PCSK5: variants seen among roughly 807,000 people sequenced by gnomAD.
The protein encoded by PCSK5 is proprotein convertase subtilisin/kexin type 5.
A neutral mutation model predicts 233.2 loss-of-function variants in PCSK5; 129 were observed. The ratio of observed to expected loss-of-function variants is 0.55; its 90% CI spans 0.48 to 0.64. PCSK5 has a LOEUF of 0.64. PCSK5 is among the 30% of genes least tolerant of loss of function. The pLI is 0.00. For synonymous variants in PCSK5, 825 were observed against 879.2 expected, an observed-to-expected ratio of 0.94 and a Z score of 1.09; for missense variants, 2,076 against 2,430.1, an observed-to-expected ratio of 0.85 and a Z score of 3.06.
In PCSK5 at chr9:75,940,956, G is replaced by A. The variant is rs569933704; in HGVS notation, c.297+8473G>A. ...AAATAAGTATTCAGAAGTGTCTGAGGTCAGTCTTAACATGGCTTACATTTC... is the reference window on the plus strand; with the variant it reads ...AAATAAGTATTCAGAAGTGTCTGAGATCAGTCTTAACATGGCTTACATTTC... On this transcript the variant is annotated intron_variant, in intron 2 of 37. Transcript: ENST00000674117. Among the ~76,000 whole-genome samples, 5 of 152,280 alleles carry A rather than the reference G, an allele frequency of 3.3e-5. No individual in the cohort carries two copies. In the East Asian group the frequency reaches 9.6e-4, roughly 29 times the overall value.
At chr9:76,277,677 C>A (rs980033039) in intron 24 of PCSK5, among the ~76,000 whole-genome samples, 13 of 152,180 alleles carry the variant, frequency 8.5e-5, no homozygotes, top group Non-Finnish European at 1.5e-4. Context: ...CACTAGCAAA[C>A]CCCCAACCAA....
At chr9:76,262,409 G>A (rs554248581) in intron 24 of PCSK5, among the ~76,000 whole-genome samples, 1 of 152,232 alleles carries the variant, frequency 6.6e-6, no homozygotes, top group African/African-American at 2.4e-5. Context: ...AAACAGCATG[G>A]TACTGGTACC....
At chr9:76,210,828 G>A (rs1021082067) in intron 20 of PCSK5, among the ~76,000 whole-genome samples, 1 of 152,202 alleles carries the variant, frequency 6.6e-6, no homozygotes, top group Non-Finnish European at 1.5e-5. Flanking sequence ...ACATGGGCTG[G>A]TGCTGGAGAT....
intron 2 of PCSK5, among the ~76,000 whole-genome samples, chr9:75,971,919 T>C (rs1268208664): frequency 2.0e-5 from 3 of 152,212 alleles, no homozygotes; most frequent in African/African-American, 7.2e-5. Flanking sequence ...GCAGAAGCTC[T>C]TTAGTTTAAT....
rs967587445 is a variant in PCSK5, at chr9:76,047,135, C to T, written c.632+20098C>T. On this transcript the variant is annotated intron_variant, in intron 5 of 37. Transcript: ENST00000674117. ...TTTTTGAGACGGAGTCTTGCTCTGT[C>T]GCCCATGCTGGAGTGCAATGGTGAG... Among the ~76,000 whole-genome samples the T allele has an allele frequency of 5.3e-5, 8 of 150,064 alleles. No homozygotes were observed. The South Asian group carries it at 1.1e-3, about 20-fold the overall frequency.
intron 1 of PCSK5, among the ~76,000 whole-genome samples, chr9:75,922,160 C>G (rs371480113): frequency 1.2e-4 from 19 of 152,248 alleles, no homozygotes; most frequent in African/African-American, 4.6e-4. Flanking sequence ...TAGTAGGGTA[C>G]AAAAATGAAA....
intron 20 of PCSK5, chr9:76,194,943 G>C: frequency 1.1e-5 from 2 of 182,516 alleles, no homozygotes; most frequent in South Asian, 1.9e-4. Flanking sequence ...CTAGGAAGTA[G>C]ATGCTGAGGT....
intron 1 of PCSK5, among the ~76,000 whole-genome samples, chr9:75,899,977 A>T (rs1220162794): frequency 6.6e-6 from 1 of 152,182 alleles, no homozygotes; most frequent in African/African-American, 2.4e-5. Flanking sequence ...GTAAAGTGAT[A>T]AGGAGGCTTC....
chr9:76,026,900 G>A, intron 4 of PCSK5, 61 bp from the exon 5 acceptor site: 1 of 1,099,746 alleles, frequency 9.1e-7, no homozygotes, highest in Non-Finnish European at 1.4e-6. Flanking sequence ...GAGCCTGTGG[G>A]TCATTGGCTA....
At chr9:76,277,043 C>A (rs1231586636) in intron 24 of PCSK5, among the ~76,000 whole-genome samples, 2 of 152,082 alleles carry the variant, frequency 1.3e-5, no homozygotes, top group African/African-American at 4.8e-5. Flanking sequence ...ACCTGGCCAA[C>A]ATGGTGAAAC....
chr9:76,346,356 T>C (rs1279870282), intron 35 of PCSK5, among the ~76,000 whole-genome samples: 1 of 152,184 alleles, frequency 6.6e-6, no homozygotes. Context: ...GAATTAAGGA[T>C]GATGATTTTG....
intron 10 of PCSK5, among the ~76,000 whole-genome samples, chr9:76,142,795 C>T (rs185432282): frequency 3.3e-5 from 5 of 152,272 alleles, no homozygotes; most frequent in African/African-American, 1.2e-4. Flanking sequence ...AAACTCACTA[C>T]ATGATAGTCA....
At chr9:76,084,969 A>T (rs1378159157) in intron 7 of PCSK5, among the ~76,000 whole-genome samples, 1 of 152,160 alleles carries the variant, frequency 6.6e-6, no homozygotes, top group East Asian at 1.9e-4. Context: ...TTATTATAAC[A>T]CCTATAGCCA....
In PCSK5 at chr9:75,943,364, GCAAA is replaced by G. The variant is rs757387253; in HGVS notation, c.297+10894_297+10897del. On this transcript the variant is annotated intron_variant, in intron 2 of 37. Coordinates refer to ENST00000674117, the MANE Select transcript of PCSK5 (RefSeq NM_001372043.1). Reference sequence around the variant, plus strand: ...CAAATCTAGGGAATAAGTGCAAACAGCAAACAAACAAACAAAAACCCAGCAACAA... The same window carrying G: ...CAAATCTAGGGAATAAGTGCAAACAGCAAACAAACAAAAACCCAGCAACAA... Among the ~76,000 whole-genome samples, 117 of 152,210 alleles carry G rather than the reference GCAAA, an allele frequency of 7.7e-4. 4 individuals are homozygous for G. Among genetic ancestry groups the G allele is most frequent in the Middle Eastern group, 6.8e-3 (2 of 294 alleles).
intron 1 of PCSK5, among the ~76,000 whole-genome samples, chr9:75,905,889 G>A (rs534886177): frequency 6.6e-6 from 1 of 152,208 alleles, no homozygotes; most frequent in East Asian, 1.9e-4. Context: ...CCGTGAAACC[G>A]GTCCCTGGTG....
chr9:75,969,504 T>G (rs1825730334), intron 2 of PCSK5, among the ~76,000 whole-genome samples: 1 of 152,126 alleles, frequency 6.6e-6, no homozygotes, highest in African/African-American at 2.4e-5. Context: ...CTAGGGAAAT[T>G]GAAACAAAGA....
At chr9:76,025,942 A>G (rs1714377162) in intron 4 of PCSK5, among the ~76,000 whole-genome samples, 1 of 152,112 alleles carries the variant, frequency 6.6e-6, no homozygotes, top group South Asian at 2.1e-4. Flanking sequence ...TTTTAAAAAT[A>G]GTAAAAAAAA....
At chr9:76,189,029 A>C in intron 18 of PCSK5, 65 bp from the exon 19 acceptor site, 5 of 1,434,486 alleles carry the variant, frequency 3.5e-6, no homozygotes, top group South Asian at 2.5e-5. Context: ...GTTAAAGAAG[A>C]AGCCCATGAC....
chr9:76,022,207 T>C (rs1243959034), intron 3 of PCSK5, among the ~76,000 whole-genome samples: 1 of 152,216 alleles, frequency 6.6e-6, no homozygotes, highest in Non-Finnish European at 1.5e-5. Flanking sequence ...CTTGTTTATT[T>C]GGTGGTTTAT....
Sources: gnomAD v4.1 joint callset for allele counts (sites outside exome capture counted in the v4.1 genomes callset) on GRCh38, gnomAD v4.1.1 for gene constraint, MANE v1.5 for transcripts, NCBI Gene and HGNC (gene_info 2026-07-23, HGNC 2026-07-21) for gene names.